Variants in RPS6KC1 observed in about 807,000 individuals in gnomAD.
The protein encoded by RPS6KC1 is ribosomal protein S6 kinase C1.
A neutral mutation model predicts 103.8 loss-of-function variants in RPS6KC1; 54 were observed. The observed-to-expected ratio is 0.52, with a 90% CI of 0.42 to 0.65. The LOEUF is 0.65. RPS6KC1 is among the 30% of genes least tolerant of loss of function. The pLI is 0.00. For missense variants in RPS6KC1, 1,151 were observed against 1,253.8 expected (o/e 0.92, Z 1.24); for synonymous variants, 439 against 438.7 (o/e 1.00, Z -0.01).
chr1:213,733,245 T>C, the RPS6KC1 span, among the ~76,000 whole-genome samples: 2 of 151,672 alleles, frequency 1.3e-5, no homozygotes, highest in Non-Finnish European at 2.9e-5. Context: ...TTTTGTTTTT[T>C]TTTTTGAGAC....
the RPS6KC1 span, chr1:213,821,508 G>C: frequency 2.0e-5 from 3 of 152,204 alleles, no homozygotes; most frequent in Non-Finnish European, 4.4e-5. Flanking sequence ...CATATTTGCC[G>C]TAAATCTGCT....
the RPS6KC1 span, among the ~76,000 whole-genome samples, chr1:213,370,486 C>G: frequency 6.6e-6 from 1 of 152,038 alleles, no homozygotes; most frequent in Admixed American, 6.5e-5. Context: ...CAAGCCTAAA[C>G]TGAGAGCCCC....
chr1:213,461,564 A>G, the RPS6KC1 span, among the ~76,000 whole-genome samples: 1 of 152,244 alleles, frequency 6.6e-6, no homozygotes, highest in Non-Finnish European at 1.5e-5. Flanking sequence ...ACAGCATGAT[A>G]CTTGTACCAA....
At chr1:213,344,027 G>A in the RPS6KC1 span, among the ~76,000 whole-genome samples, 1 of 152,184 alleles carries the variant, frequency 6.6e-6, no homozygotes, top group African/African-American at 2.4e-5. Context: ...TTCAGAGATG[G>A]AAGGATCCAG....
chr1:213,782,630 G>T, the RPS6KC1 span, among the ~76,000 whole-genome samples: 1 of 152,128 alleles, frequency 6.6e-6, no homozygotes, highest in Middle Eastern at 3.2e-3. Context: ...CAAGAAGAAT[G>T]AGGAAGAGGA....
At chr1:213,569,375 A>G in the RPS6KC1 span, among the ~76,000 whole-genome samples, 3 of 152,184 alleles carry the variant, frequency 2.0e-5, no homozygotes, top group Admixed American at 2.0e-4. Flanking sequence ...CTTGCCTAAC[A>G]AACACATCCT....
chr1:213,841,455 A>G, the RPS6KC1 span: 4 of 152,216 alleles, frequency 2.6e-5, no homozygotes, highest in Non-Finnish European at 5.9e-5. Context: ...ATCACCATGT[A>G]TGTTCACAAA....
At chr1:213,161,605 C>T (rs2090478886) in intron 6 of RPS6KC1, among the ~76,000 whole-genome samples, 1 of 152,142 alleles carries the variant, frequency 6.6e-6, no homozygotes, top group South Asian at 2.1e-4. Flanking sequence ...ACAGGTGTGA[C>T]CCACTGCACC....
chr1:213,483,320 A>G, the RPS6KC1 span, among the ~76,000 whole-genome samples: 1 of 152,166 alleles, frequency 6.6e-6, no homozygotes, highest in Admixed American at 6.5e-5. Flanking sequence ...ACAATTTGAG[A>G]TGAGATTTGG....
At chr1:213,393,375 G>A in the RPS6KC1 span, among the ~76,000 whole-genome samples, 6 of 151,948 alleles carry the variant, frequency 3.9e-5, no homozygotes, top group African/African-American at 1.2e-4. Context: ...TGGTCCACCC[G>A]GATCAATAGG....
At chr1:213,297,970 T>A in the RPS6KC1 span, among the ~76,000 whole-genome samples, 8 of 152,202 alleles carry the variant, frequency 5.3e-5, no homozygotes, top group Non-Finnish European at 7.3e-5. Flanking sequence ...ACTCCCTAGC[T>A]AAGAAACTGC....
the RPS6KC1 span, among the ~76,000 whole-genome samples, chr1:213,418,448 G>GC: frequency 2.0e-5 from 3 of 152,112 alleles, no homozygotes; most frequent in African/African-American, 7.2e-5. Flanking sequence ...GGGTGCTCTG[G>GC]CCTGCTAGAC....
chr1:213,252,729 G>A (rs1382435503), intron 12 of RPS6KC1, among the ~76,000 whole-genome samples: 1 of 152,008 alleles, frequency 6.6e-6, no homozygotes, highest in Non-Finnish European at 1.5e-5. Context: ...AAATCCTGTG[G>A]CATTAGAAAA....
chr1:213,752,417 ATGCCAGGTTTAGCC>A, the RPS6KC1 span, among the ~76,000 whole-genome samples: 5 of 152,200 alleles, frequency 3.3e-5, no homozygotes, highest in Admixed American at 3.3e-4. Context: ...TGACAAATCG[ATGCCAGGTTTAGCC>A]TGCAATCAGT....
At chr1:213,655,483 C>G in the RPS6KC1 span, among the ~76,000 whole-genome samples, 2 of 152,190 alleles carry the variant, frequency 1.3e-5, no homozygotes, top group Non-Finnish European at 1.5e-5. Flanking sequence ...GAAGGCCTCT[C>G]CTTCATCCAT....
At chr1:213,407,143 G>T in the RPS6KC1 span, among the ~76,000 whole-genome samples, 1 of 151,964 alleles carries the variant, frequency 6.6e-6, no homozygotes, top group Non-Finnish European at 1.5e-5. Context: ...TGAATTCCAG[G>T]ACTGCATCTG....
intron 3 of RPS6KC1, 78 bp downstream of exon 3, chr1:213,077,894 T>C: frequency 2.8e-6 from 2 of 726,580 alleles, no homozygotes; most frequent in South Asian, 7.9e-5. Flanking sequence ...ATAACTACAC[T>C]ATGAAGTCAG....
At chr1:213,282,902 ACAAT>A in the RPS6KC1 span, among the ~76,000 whole-genome samples, 2 of 152,232 alleles carry the variant, frequency 1.3e-5, no homozygotes, top group African/African-American at 4.8e-5. Flanking sequence ...TACAACCTGT[ACAAT>A]TAGGGCAAAT....
At chr1:213,618,925 G>A in the RPS6KC1 span, among the ~76,000 whole-genome samples, 1 of 152,220 alleles carries the variant, frequency 6.6e-6, no homozygotes, top group Non-Finnish European at 1.5e-5. Flanking sequence ...GGAGGTAGAT[G>A]TGAAATCACA....
Sources: gnomAD v4.1 joint callset for allele counts (sites outside exome capture counted in the v4.1 genomes callset) on GRCh38, gnomAD v4.1.1 for gene constraint, MANE v1.5 for transcripts, NCBI Gene and HGNC (gene_info 2026-07-23, HGNC 2026-07-21) for gene names.